The following CNTN5 variants were observed in gnomAD, a reference collection of about 807,000 sequenced individuals.
CNTN5 encodes contactin-5.
CNTN5 carries 77 observed loss-of-function variants against 129.1 expected under a neutral mutation model. The ratio of observed to expected loss-of-function variants is 0.60; its 90% CI spans 0.50 to 0.72. The LOEUF is 0.72. Ranked by LOEUF, CNTN5 falls within the 30% of genes least tolerant of loss-of-function variation. The pLI, the probability that CNTN5 is intolerant of heterozygous loss-of-function variation, is 0.00. For synonymous variants in CNTN5, 509 were observed against 465.6 expected (o/e 1.09, Z -1.20); for missense variants, 1,478 against 1,328.8 (o/e 1.11, Z -1.75).
At chr11:99,333,972 T>TCA (rs3990852) in intron 2 of CNTN5, among the ~76,000 whole-genome samples, 17 of 149,100 alleles carry the variant, frequency 1.1e-4, no homozygotes, top group African/African-American at 3.7e-4. Flanking sequence ...TCTCTCTCTC[T>TCA]CACACACACA....
chr11:99,170,269 T>C (rs1861082966), intron 1 of CNTN5, among the ~76,000 whole-genome samples: 1 of 152,018 alleles, frequency 6.6e-6, no homozygotes, highest in African/African-American at 2.4e-5. Flanking sequence ...ATCAAGAAAA[T>C]GAGGCTCAGA....
rs558059080 is a variant in CNTN5, at chr11:99,941,064, A to G, written c.674-15742A>G. 2.2e-4 allele frequency among the ~76,000 whole-genome samples: 34 copies of G among 152,256 alleles called. 1 individual carries two copies. The South Asian group carries it at 7.0e-3, about 31-fold the overall frequency. ...GTCTTCCAGTTCATTTAAAAATTTT[A>G]TACGTTTCATTAATTTTCTCTCCCA... On this transcript the variant is annotated intron_variant, in intron 7 of 24. Transcript: ENST00000524871.
intron 7 of CNTN5, among the ~76,000 whole-genome samples, chr11:99,920,134 T>C (rs1949900137): frequency 6.6e-6 from 1 of 152,180 alleles, no homozygotes; most frequent in African/African-American, 2.4e-5. Flanking sequence ...CCATTTTGTT[T>C]ATCCATTTGG....
At chr11:99,852,684 C>T (rs934603443) in intron 6 of CNTN5, among the ~76,000 whole-genome samples, 3 of 152,106 alleles carry the variant, frequency 2.0e-5, no homozygotes, top group Non-Finnish European at 4.4e-5. Context: ...CAAAATGGTT[C>T]CATTTTCCTG....
chr11:99,307,543 T>C (rs1333531530), intron 1 of CNTN5, among the ~76,000 whole-genome samples: 7 of 152,210 alleles, frequency 4.6e-5, no homozygotes, highest in Admixed American at 3.9e-4. Context: ...CACAGATTCA[T>C]CTGCCTATAC....
chr11:99,054,633 T>G (rs1231824707), intron 1 of CNTN5, among the ~76,000 whole-genome samples: 1 of 151,812 alleles, frequency 6.6e-6, no homozygotes, highest in African/African-American at 2.4e-5. Flanking sequence ...AATCCAAGTA[T>G]TCCTTAAAAA....
chr11:99,963,637 G>A (rs1951012700), intron 8 of CNTN5, among the ~76,000 whole-genome samples: 1 of 152,118 alleles, frequency 6.6e-6, no homozygotes, highest in African/African-American at 2.4e-5. Context: ...ACTTGGCGAT[G>A]CGGGCTCTTT....
chr11:99,361,112 T>TA (rs1939080627), intron 2 of CNTN5, among the ~76,000 whole-genome samples: 1 of 152,184 alleles, frequency 6.6e-6, no homozygotes, highest in Non-Finnish European at 1.5e-5. Context: ...TCCTTATTTT[T>TA]ATCTGAGACC....
chr11:99,919,676 C>G (rs7928236), intron 7 of CNTN5, among the ~76,000 whole-genome samples: 4 of 151,850 alleles, frequency 2.6e-5, no homozygotes, highest in African/African-American at 7.3e-5. Context: ...TATAATTGTG[C>G]CTTCATCACC....
intron 21 of CNTN5, among the ~76,000 whole-genome samples, chr11:100,329,160 T>C (rs1401918718): frequency 1.3e-5 from 2 of 152,106 alleles, no homozygotes; most frequent in Non-Finnish European, 2.9e-5. Context: ...CTGCTGGGTT[T>C]TCCCTACTTC....
intron 6 of CNTN5, among the ~76,000 whole-genome samples, chr11:99,850,549 C>A (rs1204895283): frequency 6.6e-6 from 1 of 152,020 alleles, no homozygotes; most frequent in East Asian, 1.9e-4. Context: ...TATGAAATAG[C>A]AAATGTATGC....
chr11:100,345,011 A>C lies in CNTN5; in HGVS notation c.3030+3806A>C, dbSNP rs17094873. 0.021 allele frequency among the ~76,000 whole-genome samples: 3,227 copies of C among 152,288 alleles called. 175 individuals are homozygous for C. In the East Asian group the frequency reaches 0.24, roughly 11 times the overall value. ...TAATTGTAATCTTGAAAAGTAAACTATAGAAATAGCACAAGATAAAACAGC... is the reference window on the plus strand; with the variant it reads ...TAATTGTAATCTTGAAAAGTAAACTCTAGAAATAGCACAAGATAAAACAGC... On this transcript the variant is annotated intron_variant, in intron 23 of 24. Coordinates refer to ENST00000524871, the MANE Select transcript of CNTN5 (RefSeq NM_014361.4).
chr11:99,593,509 A>C (rs961737430), intron 3 of CNTN5, among the ~76,000 whole-genome samples: 3 of 152,174 alleles, frequency 2.0e-5, no homozygotes, highest in African/African-American at 4.8e-5. Context: ...AAAGCATGCT[A>C]TGACAGAATA....
intron 23 of CNTN5, among the ~76,000 whole-genome samples, chr11:100,344,020 ACTT>A (rs992837084): frequency 5.3e-5 from 8 of 152,088 alleles, no homozygotes; most frequent in Non-Finnish European, 1.0e-4. Context: ...GAAGCAGAAA[ACTT>A]CTTGCTCATC....
At chr11:100,097,902 T>G (rs1346192033) in intron 13 of CNTN5, among the ~76,000 whole-genome samples, 1 of 152,038 alleles carries the variant, frequency 6.6e-6, no homozygotes, top group Non-Finnish European at 1.5e-5. Context: ...CAATAGCCGA[T>G]CAGATGAAAT....
chr11:99,386,280 A>G (rs1391074960), intron 2 of CNTN5, among the ~76,000 whole-genome samples: 2 of 152,368 alleles, frequency 1.3e-5, no homozygotes, highest in East Asian at 3.9e-4. Flanking sequence ...ATGAGTCCAC[A>G]GTGCAAAGCA....
chr11:100,126,633 T>C (rs1004170658), intron 13 of CNTN5, among the ~76,000 whole-genome samples: 18 of 152,144 alleles, frequency 1.2e-4, no homozygotes, highest in African/African-American at 1.7e-4. Context: ...TTTTGCAAGG[T>C]AGATCTTTCT....
chr11:99,753,367 C>G (rs1944300710), intron 3 of CNTN5, among the ~76,000 whole-genome samples: 1 of 151,626 alleles, frequency 6.6e-6, no homozygotes, highest in Non-Finnish European at 1.5e-5. Context: ...CGTGATTCAC[C>G]CGCCTCAGCC....
intron 18 of CNTN5, among the ~76,000 whole-genome samples, chr11:100,274,093 A>G (rs549586858): frequency 6.6e-6 from 1 of 152,198 alleles, no homozygotes; most frequent in African/African-American, 2.4e-5. Context: ...CTGATTTTCG[A>G]CAAATCTGAC....
Sources: gnomAD v4.1 joint callset for allele counts (sites outside exome capture counted in the v4.1 genomes callset) on GRCh38, gnomAD v4.1.1 for gene constraint, MANE v1.5 for transcripts, NCBI Gene and HGNC (gene_info 2026-07-23, HGNC 2026-07-21) for gene names.